Variants in TNFSF4 observed in about 807,000 individuals in gnomAD.
The protein encoded by TNFSF4 is TNF superfamily member 4, also known as tumor necrosis factor ligand superfamily member 4.
Under a neutral mutation model 7.3 loss-of-function variants are expected in TNFSF4, and 4 were observed. That is an observed-to-expected ratio of 0.55 (90% confidence interval 0.27 to 1.25). TNFSF4 has a LOEUF of 1.25. TNFSF4 is among the 50% of genes most tolerant of loss of function. The pLI is 0.12. For synonymous variants in TNFSF4, 76 were observed against 83.7 expected, an observed-to-expected ratio of 0.91 and a Z score of 0.50; for missense variants, 181 against 208.8, an observed-to-expected ratio of 0.87 and a Z score of 0.82.
the TNFSF4 span, among the ~76,000 whole-genome samples, chr1:173,433,626 T>C: frequency 1.3e-5 from 2 of 151,826 alleles, no homozygotes. Flanking sequence ...CACCTGAGCC[T>C]GGGGAGATCA....
the TNFSF4 span, among the ~76,000 whole-genome samples, chr1:173,330,736 G>A: frequency 6.6e-6 from 1 of 152,040 alleles, no homozygotes; most frequent in Non-Finnish European, 1.5e-5. Flanking sequence ...CATTGCAAAG[G>A]AGAAGAAATA....
At chr1:173,216,164 T>C in the TNFSF4 span, among the ~76,000 whole-genome samples, 1 of 152,148 alleles carries the variant, frequency 6.6e-6, no homozygotes, top group East Asian at 1.9e-4. Flanking sequence ...TCTTAAAACA[T>C]ACATGAGTTT....
chr1:173,251,445 C>T, the TNFSF4 span, among the ~76,000 whole-genome samples: 5 of 152,184 alleles, frequency 3.3e-5, no homozygotes, highest in Non-Finnish European at 7.3e-5. Context: ...TTTTCTATGA[C>T]AGTGCCTAGC....
At chr1:173,260,961 C>T in the TNFSF4 span, among the ~76,000 whole-genome samples, 3 of 152,106 alleles carry the variant, frequency 2.0e-5, no homozygotes. Context: ...ATATTCAGGG[C>T]TTGAACTCAG....
the TNFSF4 span, among the ~76,000 whole-genome samples, chr1:173,223,017 T>C: frequency 6.6e-6 from 1 of 152,218 alleles, no homozygotes; most frequent in Non-Finnish European, 1.5e-5. Context: ...GACAGTCTAA[T>C]GTAATGGTTA....
chr1:173,352,788 G>GA, the TNFSF4 span, among the ~76,000 whole-genome samples: 6 of 20,144 alleles, frequency 3.0e-4, no homozygotes, highest in African/African-American at 8.0e-4. Flanking sequence ...TAGCAAGCCT[G>GA]GGGGTGCTGC....
chr1:173,293,379 T>C, the TNFSF4 span, among the ~76,000 whole-genome samples: 1 of 152,038 alleles, frequency 6.6e-6, no homozygotes, highest in Non-Finnish European at 1.5e-5. Flanking sequence ...AGGAAAAGAC[T>C]CTTCAATAAA....
intron 1 of TNFSF4, among the ~76,000 whole-genome samples, chr1:173,203,173 T>C (rs554006722): frequency 2.6e-5 from 4 of 152,266 alleles, no homozygotes; most frequent in East Asian, 3.9e-4. Flanking sequence ...AGAACCATAG[T>C]GTAGGAATCA....
At chr1:173,414,104 A>G in the TNFSF4 span, among the ~76,000 whole-genome samples, 1 of 152,198 alleles carries the variant, frequency 6.6e-6, no homozygotes, top group Admixed American at 6.5e-5. Context: ...TAGGTATTGT[A>G]CTAGTGTGCT....
the TNFSF4 span, among the ~76,000 whole-genome samples, chr1:173,399,541 A>C: frequency 6.6e-6 from 1 of 152,160 alleles, no homozygotes; most frequent in Admixed American, 6.5e-5. Flanking sequence ...ACTTGGAAAA[A>C]ACATGTTAGA....
intron 1 of TNFSF4, among the ~76,000 whole-genome samples, chr1:173,195,927 G>A (rs1024121370): frequency 3.3e-5 from 5 of 152,164 alleles, no homozygotes; most frequent in Admixed American, 1.3e-4. Context: ...GCCACTGGAC[G>A]TGAACCTCTC....
chr1:173,216,728 A>G, the TNFSF4 span, among the ~76,000 whole-genome samples: 3 of 152,122 alleles, frequency 2.0e-5, no homozygotes, highest in Non-Finnish European at 2.9e-5. Flanking sequence ...TCTTTGGGGT[A>G]TGTCCTTTCT....
chr1:173,219,817 T>C, the TNFSF4 span, among the ~76,000 whole-genome samples: 1 of 152,184 alleles, frequency 6.6e-6, no homozygotes, highest in Non-Finnish European at 1.5e-5. Context: ...AAACATTGTA[T>C]GTTCTTGCTC....
At chr1:173,345,487 TG>T in the TNFSF4 span, among the ~76,000 whole-genome samples, 1 of 152,160 alleles carries the variant, frequency 6.6e-6, no homozygotes, top group Non-Finnish European at 1.5e-5. Flanking sequence ...AAAATCAGGC[TG>T]GGGGTCAGTA....
chr1:173,363,894 G>C, the TNFSF4 span, among the ~76,000 whole-genome samples: 4 of 152,164 alleles, frequency 2.6e-5, no homozygotes, highest in Admixed American at 2.6e-4. Context: ...CCACACACTG[G>C]TGCCACTTTC....
the TNFSF4 span, among the ~76,000 whole-genome samples, chr1:173,248,881 TA>T: frequency 1.3e-5 from 2 of 152,248 alleles, no homozygotes; most frequent in African/African-American, 4.8e-5. Flanking sequence ...TCTACTTGAT[TA>T]TTTTTTATTT....
chr1:173,411,264 G>C, the TNFSF4 span, among the ~76,000 whole-genome samples: 1 of 152,170 alleles, frequency 6.6e-6, no homozygotes, highest in Non-Finnish European at 1.5e-5. Flanking sequence ...ACTAGTGTCA[G>C]GGGCAGGGGC....
chr1:173,236,893 T>C, the TNFSF4 span, among the ~76,000 whole-genome samples: 1 of 152,328 alleles, frequency 6.6e-6, no homozygotes, highest in East Asian at 1.9e-4. Context: ...GGATGCAAGG[T>C]TCATTCAACA....
At chr1:173,376,732 T>C in the TNFSF4 span, among the ~76,000 whole-genome samples, 2 of 152,196 alleles carry the variant, frequency 1.3e-5, no homozygotes, top group African/African-American at 4.8e-5. Flanking sequence ...AAAGCTGGCC[T>C]CCTGAGCCAG....
Sources: gnomAD v4.1 joint callset for allele counts (sites outside exome capture counted in the v4.1 genomes callset) on GRCh38, gnomAD v4.1.1 for gene constraint, MANE v1.5 for transcripts, NCBI Gene and HGNC (gene_info 2026-07-23, HGNC 2026-07-21) for gene names.